Variants in SETBP1 observed in about 807,000 individuals in gnomAD.
SETBP1 encodes SET binding protein 1.
Under a neutral mutation model 101.0 loss-of-function variants are expected in SETBP1, and 9 were observed. The observed-to-expected ratio is 0.09, with a 90% CI of 0.05 to 0.16. SETBP1 has a LOEUF of 0.16. Ranked by LOEUF, SETBP1 falls within the 10% of genes least tolerant of loss-of-function variation. SETBP1 has a pLI of 1.00. For synonymous variants in SETBP1, 818 were observed against 788.5 expected, an observed-to-expected ratio of 1.04 and a Z score of -0.63; for missense variants, 1,858 against 2,033.8, an observed-to-expected ratio of 0.91 and a Z score of 1.66.
chr18:44,877,001 G>C (rs1599263138), intron 3 of SETBP1: 1 of 1,199,542 alleles, frequency 8.3e-7, no homozygotes. Flanking sequence ...TTCCAGGGCA[G>C]GCTTGATCCC....
rs1391499509 is a variant in SETBP1 at position 44,869,809 on chromosome 18, T to C, written c.540+526T>C. On this transcript the variant is annotated intron_variant, in intron 3 of 5. Coordinates refer to ENST00000649279, the MANE Select transcript of SETBP1 (RefSeq NM_015559.3). ...GGCCAGAGTGGTGTTTGGAGGTTACTATGGGCAAACTGTGTGAGGATGTAG... is the reference window on the plus strand; with the variant it reads ...GGCCAGAGTGGTGTTTGGAGGTTACCATGGGCAAACTGTGTGAGGATGTAG... The C allele has an allele frequency of 2.0e-5, 4 of 203,358 alleles. No individual in the cohort carries two copies. In the East Asian group the frequency reaches 4.4e-4, roughly 22 times the overall value. The allele number at this position is 203,358 out of a possible 1,614,324, so 12.6% of individuals were successfully genotyped here.
intron 4 of SETBP1, among the ~76,000 whole-genome samples, chr18:45,026,819 C>T (rs1052075782): frequency 1.1e-4 from 17 of 152,090 alleles, no homozygotes; most frequent in Admixed American, 6.6e-4. Context: ...TGTGCATGCG[C>T]GTGTACACAC....
intron 4 of SETBP1, among the ~76,000 whole-genome samples, chr18:44,969,120 A>C (rs1337881819): frequency 6.6e-6 from 1 of 152,180 alleles, no homozygotes; most frequent in African/African-American, 2.4e-5. Flanking sequence ...TTCTCCTCAT[A>C]TCCACTGAAA....
chr18:44,816,314 G>A (rs958243294), intron 2 of SETBP1, among the ~76,000 whole-genome samples: 75 of 152,238 alleles, frequency 4.9e-4, no homozygotes, highest in African/African-American at 1.7e-3. Context: ...GCAAGCAAAG[G>A]CTACAATGCA....
intron 1 of SETBP1, among the ~76,000 whole-genome samples, chr18:44,690,657 C>A (rs1273822622): frequency 1.3e-5 from 2 of 152,214 alleles, no homozygotes; most frequent in African/African-American, 4.8e-5. Flanking sequence ...TCAGACACAA[C>A]TGCCCCTGTG....
Position 44,827,251 on chromosome 18 carries a change from T to C in SETBP1, c.487-41979T>C, listed in dbSNP as rs548598983. 2.6e-4 allele frequency among the ~76,000 whole-genome samples: 40 copies of C among 152,236 alleles called. 1 individual carries two copies. Among genetic ancestry groups the C allele is most frequent in the African/African-American group, 9.6e-4 (40 of 41,546 alleles). On this transcript the variant is annotated intron_variant, in intron 2 of 5. Coordinates refer to ENST00000649279, the MANE Select transcript of SETBP1 (RefSeq NM_015559.3). Reference sequence around the variant, plus strand: ...CCCAATATAGTTTCCGAAAGAAAAATAAGCAAAACAAAAACAAAAGCTTGT... The same window carrying C: ...CCCAATATAGTTTCCGAAAGAAAAACAAGCAAAACAAAAACAAAAGCTTGT...
chr18:44,889,553 G>A (rs1205447683), intron 3 of SETBP1, among the ~76,000 whole-genome samples: 2 of 152,140 alleles, frequency 1.3e-5, no homozygotes, highest in Non-Finnish European at 2.9e-5. Flanking sequence ...GTTGCTAAGG[G>A]AGTGGTGATG....
At chr18:44,702,964 G>A (rs2069143508) in intron 2 of SETBP1, among the ~76,000 whole-genome samples, 1 of 152,208 alleles carries the variant, frequency 6.6e-6, no homozygotes, top group African/African-American at 2.4e-5. Context: ...TAGACAGGTG[G>A]TTGGTGGTGT....
chr18:44,808,703 C>T (rs574591748), intron 2 of SETBP1, among the ~76,000 whole-genome samples: 1 of 152,256 alleles, frequency 6.6e-6, no homozygotes, highest in African/African-American at 2.4e-5. Context: ...GCTTGTTTCC[C>T]CCTCTAATTA....
intron 4 of SETBP1, among the ~76,000 whole-genome samples, chr18:45,004,173 A>G (rs1217586206): frequency 2.6e-5 from 4 of 152,218 alleles, no homozygotes; most frequent in East Asian, 1.9e-4. Flanking sequence ...CATATGGCAT[A>G]GGTGTGAACA....
intron 4 of SETBP1, among the ~76,000 whole-genome samples, chr18:45,028,760 A>C (rs2073226006): frequency 6.6e-6 from 1 of 152,212 alleles, no homozygotes; most frequent in African/African-American, 2.4e-5. Context: ...TCTAATGGCC[A>C]GTGATGGTGA....
chr18:44,933,868 A>AAAGG (rs1238512922), intron 3 of SETBP1, among the ~76,000 whole-genome samples: 1 of 152,200 alleles, frequency 6.6e-6, no homozygotes, highest in East Asian at 1.9e-4. Flanking sequence ...CTTTGCTAGG[A>AAAGG]AAGGAAATTC....
rs2073131287 is a variant in SETBP1 at position 45,024,680 on chromosome 18, A to G, written c.4001-13805A>G. On this transcript the variant is annotated intron_variant, in intron 4 of 5. Transcript: ENST00000649279. Reference sequence around the variant, plus strand: ...TGTCCATTAGCTCTGCGCACAATGCAGTGGTTGGAACCAACACAGACATCA... The same window carrying G: ...TGTCCATTAGCTCTGCGCACAATGCGGTGGTTGGAACCAACACAGACATCA... Among the ~76,000 whole-genome samples the G allele has an allele frequency of 2.0e-5, 3 of 152,340 alleles. No individual in the cohort carries two copies. In the East Asian group the frequency reaches 5.8e-4, roughly 29 times the overall value.
chr18:44,685,406 C>T (rs940948748), intron 1 of SETBP1, among the ~76,000 whole-genome samples: 22 of 152,186 alleles, frequency 1.4e-4, no homozygotes, highest in East Asian at 3.8e-4. Flanking sequence ...ATTTTATCTC[C>T]GTTTAGAGGA....
chr18:44,973,499 A>C (rs2071915432), intron 4 of SETBP1, among the ~76,000 whole-genome samples: 1 of 152,174 alleles, frequency 6.6e-6, no homozygotes, highest in Admixed American at 6.5e-5. Flanking sequence ...CAAGTGAGAG[A>C]GATGCTCTTA....
chr18:44,955,105 C>T (rs1029197612), intron 4 of SETBP1, among the ~76,000 whole-genome samples: 3 of 152,142 alleles, frequency 2.0e-5, no homozygotes, highest in African/African-American at 2.4e-5. Context: ...GGTTTCTCAA[C>T]GATTTTACGA....
chr18:45,052,617 G>A (rs2073740372), intron 5 of SETBP1, among the ~76,000 whole-genome samples: 1 of 152,176 alleles, frequency 6.6e-6, no homozygotes, highest in Non-Finnish European at 1.5e-5. Flanking sequence ...ACACACACCT[G>A]TAGGCTATGC....
intron 3 of SETBP1, among the ~76,000 whole-genome samples, chr18:44,929,109 G>C (rs966101099): frequency 3.9e-5 from 6 of 152,066 alleles, no homozygotes; most frequent in Non-Finnish European, 5.9e-5. Context: ...ATTAATTTTT[G>C]TATAAGGTGT....
chr18:44,800,912 A>C (rs1242445294), intron 2 of SETBP1, among the ~76,000 whole-genome samples: 1 of 152,202 alleles, frequency 6.6e-6, no homozygotes, highest in South Asian at 2.1e-4. Context: ...CTGGATAAAG[A>C]AAATGTGGCA....
Sources: allele counts gnomAD v4.1 joint callset (sites outside exome capture counted in the v4.1 genomes callset), GRCh38; gene constraint gnomAD v4.1.1; transcripts MANE v1.5; gene names NCBI Gene and HGNC (gene_info 2026-07-23, HGNC 2026-07-21).